The following AVEN variants were observed in gnomAD, a reference collection of about 807,000 sequenced individuals.
The protein encoded by AVEN is apoptosis and caspase activation inhibitor.
In AVEN, 41 loss-of-function variants were observed where a neutral mutation model predicts 38.1. The ratio of observed to expected loss-of-function variants is 1.08; its 90% CI spans 0.84 to 1.40. The LOEUF (loss-of-function observed/expected upper bound fraction) is 1.40, where lower values mean the gene tolerates loss of function less well. Among genes scored for constraint, AVEN ranks in the 40% most tolerant of loss-of-function variants. AVEN has a pLI of 0.00. For missense variants in AVEN, 605 were observed against 438.8 expected, an observed-to-expected ratio of 1.38 and a Z score of -3.38; for synonymous variants, 206 against 171.8, an observed-to-expected ratio of 1.20 and a Z score of -1.56.
intron 11 of AVEN, chr15:33,859,837 T>C: frequency 8.1e-7 from 1 of 1,234,514 alleles, no homozygotes; most frequent in Non-Finnish European, 1.1e-6. Context: ...TGAATTCATT[T>C]ACTTGTTAAT....
chr15:33,855,376 G>C (rs1375469587), downstream of AVEN, among the ~76,000 whole-genome samples: 2 of 152,122 alleles, frequency 1.3e-5, no homozygotes, highest in Admixed American at 6.5e-5. Flanking sequence ...GCTAATTTTT[G>C]TATTTTTAGT....
chr15:33,994,688 T>C (rs574530710), intron 2 of AVEN, among the ~76,000 whole-genome samples: 4 of 152,190 alleles, frequency 2.6e-5, no homozygotes, highest in African/African-American at 4.8e-5. Flanking sequence ...GTGTGTGAAA[T>C]AGAAATTCAC....
intron 2 of AVEN, among the ~76,000 whole-genome samples, chr15:33,927,393 A>G (rs1160727970): frequency 1.3e-5 from 2 of 152,020 alleles, no homozygotes; most frequent in Non-Finnish European, 2.9e-5. Context: ...ACCAATAATA[A>G]TAATAGTTAA....
chr15:34,016,488 A>C (rs1370956080), intron 1 of AVEN, among the ~76,000 whole-genome samples: 3 of 151,678 alleles, frequency 2.0e-5, no homozygotes, highest in Non-Finnish European at 4.4e-5. Flanking sequence ...TTTTCTTACA[A>C]ATTTCCCCCT....
At chr15:33,907,478 A>G (rs6495331) in intron 2 of AVEN, among the ~76,000 whole-genome samples, 102,681 of 152,028 alleles carry the variant, frequency 0.68, 34,829 homozygotes, top group Middle Eastern at 0.74. Flanking sequence ...TCTGTTCCAT[A>G]TTTTTCACTG....
At chr15:33,867,417 G>A (rs1469254657) in intron 5 of AVEN, 78 bp downstream of exon 5, 5 of 1,508,898 alleles carry the variant, frequency 3.3e-6, no homozygotes, top group Non-Finnish European at 4.4e-6. Context: ...AGGGATGTGT[G>A]CGGATGTGAT....
At chr15:33,944,788 G>A (rs1894448305) in intron 2 of AVEN, among the ~76,000 whole-genome samples, 2 of 151,252 alleles carry the variant, frequency 1.3e-5, no homozygotes, top group African/African-American at 4.9e-5. Context: ...CAGCCTGGGC[G>A]ACAGAGTGAG....
At chr15:34,072,241 C>T (rs903757387) in intron 1 of AVEN, among the ~76,000 whole-genome samples, 4 of 151,950 alleles carry the variant, frequency 2.6e-5, no homozygotes, top group Non-Finnish European at 5.9e-5. Context: ...CTCTCTCCAG[C>T]CTGGGCGACA....
In AVEN at chr15:33,891,331, C is replaced by T. The variant is rs2153040520; in HGVS notation, c.446-15336G>A. 2.6e-5 allele frequency among the ~76,000 whole-genome samples: 4 copies of T among 152,238 alleles called. 1 individual carries two copies. In the Middle Eastern group the frequency reaches 0.014, roughly 518 times the overall value. On this transcript the variant is annotated intron_variant, in intron 2 of 5. Coordinates refer to ENST00000306730, the MANE Select transcript of AVEN (RefSeq NM_020371.3). ...ATGTGCCATGTTGGTTTGTTGCACC[C>T]ATTAACTCGTCATTTACATTAGGTA...
chr15:33,895,353 C>A (rs1892191637), intron 2 of AVEN, among the ~76,000 whole-genome samples: 1 of 150,498 alleles, frequency 6.6e-6, no homozygotes, highest in Non-Finnish European at 1.5e-5. Context: ...AGAGACAGGG[C>A]CCCACTCTAT....
chr15:33,897,101 T>C (rs1301508292), intron 2 of AVEN, among the ~76,000 whole-genome samples: 1 of 152,068 alleles, frequency 6.6e-6, no homozygotes, highest in African/African-American at 2.4e-5. Flanking sequence ...TTACATAACA[T>C]TCTAAAAATG....
At chr15:33,966,165 A>C (rs1435373083) in intron 2 of AVEN, among the ~76,000 whole-genome samples, 1 of 152,108 alleles carries the variant, frequency 6.6e-6, no homozygotes, top group Non-Finnish European at 1.5e-5. Context: ...CACCCACCCT[A>C]CAAAGTTCTC....
chr15:33,965,468 A>G (rs191488770), intron 2 of AVEN, among the ~76,000 whole-genome samples: 119 of 152,290 alleles, frequency 7.8e-4, no homozygotes, highest in African/African-American at 2.8e-3. Context: ...TTTCTTTATA[A>G]AAGTATTTAT....
At chr15:33,876,443 G>A (rs1055104994) in intron 2 of AVEN, among the ~76,000 whole-genome samples, 14 of 113,490 alleles carry the variant, frequency 1.2e-4, no homozygotes, top group African/African-American at 3.4e-4. Flanking sequence ...GTGGTGGCAC[G>A]TGCCTATAAT....
downstream of AVEN, chr15:33,865,107 C>T (rs749898265): frequency 1.3e-6 from 2 of 1,561,156 alleles, no homozygotes; most frequent in Admixed American, 1.7e-5. Context: ...TAAAAATAAG[C>T]ACCCGTTGTT....
chr15:33,891,753 G>A (rs144267743), intron 2 of AVEN, among the ~76,000 whole-genome samples: 1 of 152,166 alleles, frequency 6.6e-6, no homozygotes, highest in African/African-American at 2.4e-5. Context: ...CCAGTAGTGG[G>A]ATGGCTGGGT....
chr15:33,913,346 G>A (rs1046242438), intron 2 of AVEN, among the ~76,000 whole-genome samples: 1 of 152,102 alleles, frequency 6.6e-6, no homozygotes, highest in African/African-American at 2.4e-5. Context: ...ATACATACAG[G>A]TCCAAATAAT....
intron 2 of AVEN, among the ~76,000 whole-genome samples, chr15:33,939,318 C>T (rs2153053289): frequency 6.6e-6 from 1 of 152,346 alleles, no homozygotes; most frequent in Middle Eastern, 3.4e-3. Flanking sequence ...AATTCATAAA[C>T]TGCCAGAGTA....
At chr15:33,986,681 G>C (rs1049433856) in intron 2 of AVEN, among the ~76,000 whole-genome samples, 1 of 152,004 alleles carries the variant, frequency 6.6e-6, no homozygotes, top group African/African-American at 2.4e-5. Context: ...TTTTGAGACA[G>C]AGTCTCACTC....
Sources: gnomAD v4.1 joint callset for allele counts (sites outside exome capture counted in the v4.1 genomes callset) on GRCh38, gnomAD v4.1.1 for gene constraint, MANE v1.5 for transcripts, NCBI Gene and HGNC (gene_info 2026-07-23, HGNC 2026-07-21) for gene names.